Variants in SNORD118 observed in about 807,000 individuals in gnomAD.
The protein encoded by SNORD118 is small nucleolar RNA, C/D box 118.
At chr17:8,173,500 A>T (rs1409719589) in exon 1 of SNORD118, 4 of 765,192 alleles carry the variant, frequency 5.2e-6, no homozygotes, top group South Asian at 1.3e-5. Context: ...TTACGCAGAG[A>T]CGTTAATCAC....
chr17:8,173,492 A>C (rs748365395), exon 1 of SNORD118: 5 of 765,216 alleles, frequency 6.5e-6, no homozygotes, highest in African/African-American at 1.7e-5. Flanking sequence ...AGTCCTGATT[A>C]CGCAGAGACG....
rs527939991 is a variant in SNORD118 at position 8,173,577 on chromosome 17, C to T, written n.11G>A. On this transcript the variant is annotated non_coding_transcript_exon_variant, in exon 1 of 1. Transcript: ENST00000363593. ...GGAGGAGGAACAGGTAAGGATTATC[C>T]CACCTGACGATACAGACAAACAGCC... 85 of 764,586 alleles carry T rather than the reference C, an allele frequency of 1.1e-4. No individual in the cohort carries two copies. Among genetic ancestry groups the T allele is most frequent in the Middle Eastern group, 6.8e-4 (3 of 4,434 alleles). The allele number at this position is 764,586 out of a possible 1,614,324, so 47.4% of individuals were successfully genotyped here.
exon 1 of SNORD118, chr17:8,173,575 T>C (rs777501044): frequency 7.8e-6 from 6 of 764,708 alleles, no homozygotes; most frequent in East Asian, 2.4e-5. Context: ...GTAAGGATTA[T>C]CCCACCTGAC....
chr17:8,173,581 C>G lies in SNORD118; in HGVS notation n.7G>C, dbSNP rs201266955. 1.6e-5 allele frequency: 12 copies of G among 764,224 alleles called. No homozygotes were observed. Among genetic ancestry groups the G allele is most frequent in the Non-Finnish European group, 1.9e-5 (8 of 417,412 alleles). 47.3% of individuals were successfully genotyped at this position (764,224 alleles called of 1,614,324 possible). A position where few individuals can be genotyped will look rare whatever the true frequency, so the allele number is the denominator to read the frequency against. ...GAGGAACAGGTAAGGATTATCCCAC[C>G]TGACGATACAGACAAACAGCCGACA... On this transcript the variant is annotated non_coding_transcript_exon_variant, in exon 1 of 1. Transcript: ENST00000363593.
At chr17:8,173,564 G>T in exon 1 of SNORD118, 2 of 765,208 alleles carry the variant, frequency 2.6e-6, no homozygotes, top group Non-Finnish European at 2.4e-6. Context: ...AGGAGGAACA[G>T]GTAAGGATTA....
exon 1 of SNORD118, chr17:8,173,541 A>T (rs201264521): frequency 1.3e-6 from 1 of 765,458 alleles, no homozygotes; most frequent in Non-Finnish European, 2.4e-6. Context: ...TCATGTTCTA[A>T]TCTGCCCTCC....
downstream of SNORD118, chr17:8,173,453 A>C (rs750849287): frequency 3.9e-6 from 3 of 763,268 alleles, no homozygotes; most frequent in East Asian, 2.4e-5. Context: ...CGTCAGAAAG[A>C]ATCAGACAGG....
At position 8,173,529 on chromosome 17, in the gene SNORD118, C is replaced by A. The variant is rs780396107; in HGVS notation, n.59G>T. ...TAATCACGTTTCATGCATCTCCAAT[C>A]ATCATGTTCTAATCTGCCCTCCGGA... On this transcript the variant is annotated non_coding_transcript_exon_variant, in exon 1 of 1. Coordinates refer to ENST00000363593, the Ensembl canonical transcript of SNORD118. The A allele has an allele frequency of 1.3e-6, 1 of 765,272 alleles. No individual in the cohort carries two copies. Among genetic ancestry groups the A allele is most frequent in the Non-Finnish European group, 2.4e-6 (1 of 418,036 alleles). 47.4% of individuals were successfully genotyped at this position (765,272 alleles called of 1,614,324 possible).
chr17:8,173,491 T>C lies in SNORD118; in HGVS notation n.97A>G, dbSNP rs762385657. On this transcript the variant is annotated non_coding_transcript_exon_variant, in exon 1 of 1. Coordinates refer to ENST00000363593, the Ensembl canonical transcript of SNORD118. ...CAATCAGGGTGTTGCAAGTCCTGATTACGCAGAGACGTTAATCACGTTTCA... is the reference window on the plus strand; with the variant it reads ...CAATCAGGGTGTTGCAAGTCCTGATCACGCAGAGACGTTAATCACGTTTCA... 59 of 765,134 alleles carry C rather than the reference T, an allele frequency of 7.7e-5. No individual in the cohort carries two copies. The highest frequency in any genetic ancestry group is 2.4e-4 in the South Asian group (18 of 74,574). 47.4% of individuals were successfully genotyped at this position (765,134 alleles called of 1,614,324 possible). A position where few individuals can be genotyped will look rare whatever the true frequency, so the allele number is the denominator to read the frequency against.
At chr17:8,173,498 A>T (rs754138120) in exon 1 of SNORD118, 22 of 765,134 alleles carry the variant, frequency 2.9e-5, no homozygotes, top group Non-Finnish European at 5.0e-5. Context: ...GATTACGCAG[A>T]GACGTTAATC....
exon 1 of SNORD118, chr17:8,173,544 T>G (rs143605147): frequency 9.1e-6 from 7 of 765,266 alleles, no homozygotes; most frequent in Admixed American, 8.5e-5. Flanking sequence ...TGTTCTAATC[T>G]GCCCTCCGGA....
exon 1 of SNORD118, chr17:8,173,503 T>A (rs780174735): frequency 6.5e-6 from 5 of 765,136 alleles, no homozygotes; most frequent in African/African-American, 1.7e-5. Flanking sequence ...CGCAGAGACG[T>A]TAATCACGTT....
At chr17:8,173,509 A>G (rs374183932) in exon 1 of SNORD118, 4 of 765,256 alleles carry the variant, frequency 5.2e-6, no homozygotes, top group African/African-American at 3.4e-5. Flanking sequence ...GACGTTAATC[A>G]CGTTTCATGC....
At chr17:8,173,532 C>G (rs886039784) in exon 1 of SNORD118, 1 of 765,434 alleles carries the variant, frequency 1.3e-6, no homozygotes, top group Non-Finnish European at 2.4e-6. Context: ...CTCCAATCAT[C>G]ATGTTCTAAT....
chr17:8,173,533 A>G lies in SNORD118; in HGVS notation n.55T>C, dbSNP rs769268874. On this transcript the variant is annotated non_coding_transcript_exon_variant, in exon 1 of 1. Transcript: ENST00000363593. ...CACGTTTCATGCATCTCCAATCATC[A>G]TGTTCTAATCTGCCCTCCGGAGGAG... The G allele has an allele frequency of 2.0e-5, 15 of 765,292 alleles. No homozygotes were observed. The highest frequency in any genetic ancestry group is 2.7e-5 in the South Asian group (2 of 74,624). 47.4% of individuals were successfully genotyped at this position (765,292 alleles called of 1,614,324 possible).
Position 8,173,551 on chromosome 17 carries a change from C to CA in SNORD118, n.36_37insT, listed in dbSNP as rs759125251. On this transcript the variant is annotated non_coding_transcript_exon_variant, in exon 1 of 1. Coordinates refer to ENST00000363593, the Ensembl canonical transcript of SNORD118. ...AATCATCATGTTCTAATCTGCCCTCCGGAGGAGGAACAGGTAAGGATTATC... is the reference window on the plus strand; with the variant it reads ...AATCATCATGTTCTAATCTGCCCTCCAGGAGGAGGAACAGGTAAGGATTATC... The CA allele has an allele frequency of 9.5e-5, 73 of 765,024 alleles. No individual in the cohort carries two copies. In the African/African-American group the frequency reaches 1.1e-3, roughly 11 times the overall value. 47.4% of individuals were successfully genotyped at this position (765,024 alleles called of 1,614,324 possible).
chr17:8,173,506 A>T (rs751587903), exon 1 of SNORD118: 14 of 765,226 alleles, frequency 1.8e-5, no homozygotes, highest in Non-Finnish European at 3.1e-5. Flanking sequence ...AGAGACGTTA[A>T]TCACGTTTCA....
chr17:8,173,512 T>G (rs747896326), exon 1 of SNORD118: 4 of 765,198 alleles, frequency 5.2e-6, no homozygotes, highest in East Asian at 2.4e-5. Flanking sequence ...GTTAATCACG[T>G]TTCATGCATC....
exon 1 of SNORD118, chr17:8,173,511 G>GT (rs1567550494): frequency 7.8e-6 from 6 of 765,308 alleles, no homozygotes; most frequent in East Asian, 2.4e-5. Context: ...CGTTAATCAC[G>GT]TTTCATGCAT....
Sources: gnomAD v4.1 joint callset for allele counts on GRCh38, gnomAD v4.1.1 for gene constraint, MANE v1.5 for transcripts, NCBI Gene and HGNC (gene_info 2026-07-23, HGNC 2026-07-21) for gene names.